The following MEMO1 variants were observed in gnomAD, a reference collection of about 807,000 sequenced individuals.
The protein encoded by MEMO1 is mediator of cell motility 1.
Under a neutral mutation model 45.2 loss-of-function variants are expected in MEMO1, and 6 were observed. The observed-to-expected ratio is 0.13, with a 90% CI of 0.07 to 0.26. The LOEUF (loss-of-function observed/expected upper bound fraction) is 0.26, where lower values mean the gene tolerates loss of function less well. Ranked by LOEUF, MEMO1 falls within the 10% of genes least tolerant of loss-of-function variation. MEMO1 has a pLI of 1.00. For synonymous variants in MEMO1, 78 were observed against 124.3 expected, an observed-to-expected ratio of 0.63 and a Z score of 2.48; for missense variants, 184 against 370.5, an observed-to-expected ratio of 0.50 and a Z score of 4.13.
chr2:31,923,064 T>G (rs183398738), intron 4 of MEMO1, among the ~76,000 whole-genome samples: 1 of 152,278 alleles, frequency 6.6e-6, no homozygotes, highest in Admixed American at 6.5e-5. Flanking sequence ...TTTTCCACAA[T>G]GATTGAATCA....
At chr2:31,885,595 A>G (rs78960120) in intron 7 of MEMO1, among the ~76,000 whole-genome samples, 1 of 152,224 alleles carries the variant, frequency 6.6e-6, no homozygotes, top group Non-Finnish European at 1.5e-5. Context: ...AACACCTTAG[A>G]CAAGAATATT....
chr2:31,920,850 G>A lies in MEMO1; in HGVS notation c.273C>T (p.Ser91=), dbSNP rs1682220288. 1 of 1,611,938 alleles carries A rather than the reference G, an allele frequency of 6.2e-7. No individual in the cohort carries two copies. Among genetic ancestry groups the A allele is most frequent in the Non-Finnish European group, 8.5e-7 (1 of 1,179,270 alleles). The stretch of plus-strand genomic sequence containing the variant: ...GAGGTGTCCTATATATATCCACACT[G>A]GAAAGTGCACATCGAGAGAGGGGCA... ...HHVPLSRCAL[S]SVDIYRTPLY... is the part of the protein sequence containing the mutation. Residue 91 remains serine, a synonymous_variant, in exon 5 of 10, where the codon TCC becomes TCT. Transcript: ENST00000404530.
chr2:31,969,566 T>A (rs1669065927), intron 2 of MEMO1, among the ~76,000 whole-genome samples: 1 of 147,206 alleles, frequency 6.8e-6, no homozygotes, highest in Non-Finnish European at 1.5e-5. Flanking sequence ...TTCTAAATCT[T>A]TTCTGGGGGT....
chr2:31,948,352 G>C (rs1304906227), intron 2 of MEMO1, among the ~76,000 whole-genome samples: 2 of 152,036 alleles, frequency 1.3e-5, no homozygotes, highest in African/African-American at 4.8e-5. Context: ...TTTTTTTATA[G>C]GTAATACCTG....
chr2:31,915,136 A>G (rs1248123226), intron 6 of MEMO1, among the ~76,000 whole-genome samples: 1 of 152,008 alleles, frequency 6.6e-6, no homozygotes, highest in Non-Finnish European at 1.5e-5. Flanking sequence ...CTTTCCCCCA[A>G]CACCCACTTC....
At chr2:32,002,718 C>T (rs2148604738) in intron 2 of MEMO1, among the ~76,000 whole-genome samples, 1 of 152,184 alleles carries the variant, frequency 6.6e-6, no homozygotes, top group South Asian at 2.1e-4. Flanking sequence ...ACGTAATATA[C>T]CTATGAAATA....
chr2:31,947,325 C>A (rs1277734771), intron 2 of MEMO1, among the ~76,000 whole-genome samples: 6 of 152,134 alleles, frequency 3.9e-5, no homozygotes, highest in African/African-American at 1.4e-4. Flanking sequence ...AGCCAAACTC[C>A]AAGTTTCTCA....
chr2:31,903,270 A>G (rs76243971), intron 6 of MEMO1, among the ~76,000 whole-genome samples: 1 of 152,298 alleles, frequency 6.6e-6, no homozygotes, highest in East Asian at 1.9e-4. Context: ...TGTGAGGAGA[A>G]TTAAACCAAC....
At chr2:31,949,138 G>A (rs1232131535) in intron 2 of MEMO1, among the ~76,000 whole-genome samples, 1 of 152,090 alleles carries the variant, frequency 6.6e-6, no homozygotes, top group African/African-American at 2.4e-5. Context: ...ATGGAAAAAA[G>A]GGAGCCCTTA....
At chr2:31,936,790 A>C (rs976317137) in intron 3 of MEMO1, among the ~76,000 whole-genome samples, 7 of 152,192 alleles carry the variant, frequency 4.6e-5, no homozygotes, top group Admixed American at 3.3e-4. Flanking sequence ...GCTTTTCATC[A>C]AAGAGGATAC....
intron 2 of MEMO1, among the ~76,000 whole-genome samples, chr2:31,964,039 T>G (rs1397742070): frequency 6.6e-6 from 1 of 152,186 alleles, no homozygotes; most frequent in African/African-American, 2.4e-5. Flanking sequence ...TTTCACTTTT[T>G]AAAAAAGTAT....
intron 2 of MEMO1, among the ~76,000 whole-genome samples, chr2:31,964,110 AAT>A (rs1668331681): frequency 6.6e-6 from 1 of 152,198 alleles, no homozygotes. Context: ...ATTAGACAGG[AAT>A]ACTCTAAATC....
At chr2:31,885,949 T>C (rs1199938737) in intron 7 of MEMO1, among the ~76,000 whole-genome samples, 3 of 152,244 alleles carry the variant, frequency 2.0e-5, no homozygotes, top group Admixed American at 1.3e-4. Flanking sequence ...TAAATTGCTA[T>C]CTTGTTCATA....
chr2:31,878,249 G>A (rs1324183062), intron 8 of MEMO1, among the ~76,000 whole-genome samples: 4 of 152,074 alleles, frequency 2.6e-5, no homozygotes, highest in Non-Finnish European at 5.9e-5. Flanking sequence ...GAAAATGGAG[G>A]GCTCTTAACA....
At chr2:31,966,740 A>AAAAAAAAAAAG (rs2148437302) in intron 2 of MEMO1, among the ~76,000 whole-genome samples, 1 of 151,784 alleles carries the variant, frequency 6.6e-6, no homozygotes, top group African/African-American at 2.4e-5. Flanking sequence ...CTCAAAAAAA[A>AAAAAAAAAAAG]AAAATGAAAA....
At chr2:31,914,994 C>T (rs1010042336) in intron 6 of MEMO1, among the ~76,000 whole-genome samples, 24 of 147,904 alleles carry the variant, frequency 1.6e-4, no homozygotes, top group Non-Finnish European at 3.1e-4. Flanking sequence ...AGGCCAGGCA[C>T]AGTGGTTCAT....
At chr2:31,969,443 G>C (rs562736362) in intron 2 of MEMO1, among the ~76,000 whole-genome samples, 1 of 150,004 alleles carries the variant, frequency 6.7e-6, no homozygotes, top group Non-Finnish European at 1.5e-5. Flanking sequence ...GTGTGTATAC[G>C]CATATATATC....
intron 7 of MEMO1, among the ~76,000 whole-genome samples, chr2:31,889,069 T>C (rs1676578415): frequency 6.6e-6 from 1 of 152,098 alleles, no homozygotes; most frequent in African/African-American, 2.4e-5. Flanking sequence ...CTTTCCAATT[T>C]ACAGATAAAA....
intron 2 of MEMO1, among the ~76,000 whole-genome samples, chr2:31,989,838 C>T (rs989096324): frequency 3.3e-5 from 5 of 152,014 alleles, no homozygotes; most frequent in Non-Finnish European, 5.9e-5. Context: ...TAATTTTGGC[C>T]GGGTGTGGTG....
Sources: allele counts gnomAD v4.1 joint callset (sites outside exome capture counted in the v4.1 genomes callset), GRCh38; gene constraint gnomAD v4.1.1; transcripts MANE v1.5; gene names NCBI Gene and HGNC (gene_info 2026-07-23, HGNC 2026-07-21).